The following COMMD1 variants were observed in gnomAD, a reference collection of about 807,000 sequenced individuals.
COMMD1 encodes the protein COMM domain-containing protein 1.
In COMMD1, 10 loss-of-function variants were observed where a neutral mutation model predicts 17.2. That is an observed-to-expected ratio of 0.58 (90% CI 0.36 to 0.99). The LOEUF (loss-of-function observed/expected upper bound fraction) is 0.99. Among genes scored for constraint, COMMD1 ranks in the 50% least tolerant of loss-of-function variants. COMMD1 has a pLI of 0.01. For synonymous variants in COMMD1, 97 were observed against 91.6 expected, an observed-to-expected ratio of 1.06 and a Z score of -0.34; for missense variants, 270 against 231.8, an observed-to-expected ratio of 1.17 and a Z score of -1.07.
intron 1 of COMMD1, among the ~76,000 whole-genome samples, chr2:61,889,229 C>CA (rs1479758901): frequency 4.4e-4 from 2 of 4,590 alleles, no homozygotes; most frequent in Non-Finnish European, 5.9e-4. Context: ...TTTTTTTTGA[C>CA]AGAGTCTCGC....
chr2:61,939,551 G>T (rs1421995197), intron 1 of COMMD1, among the ~76,000 whole-genome samples: 1 of 151,952 alleles, frequency 6.6e-6, no homozygotes, highest in African/African-American at 2.4e-5. Context: ...CTAAAAATAT[G>T]CTATTTTAGT....
chr2:62,012,433 C>T (rs1669308420), intron 2 of COMMD1, among the ~76,000 whole-genome samples: 1 of 151,874 alleles, frequency 6.6e-6, no homozygotes, highest in Non-Finnish European at 1.5e-5. Context: ...ATTCCCCTGC[C>T]TCAGCCTCCT....
chr2:62,089,852 T>C lies in COMMD1; in HGVS notation c.463-45979T>C, dbSNP rs1671773019. ...CAAAAAGCATTCCTCAGAATGCATA[T>C]GCAGGCCAACTAACAGCAGCAGGTC... is the stretch of plus-strand genomic sequence containing the variant. On this transcript the variant is annotated intron_variant, in intron 2 of 2. Coordinates refer to ENST00000311832, the MANE Select transcript of COMMD1 (RefSeq NM_152516.4). 2.0e-5 allele frequency among the ~76,000 whole-genome samples: 3 copies of C among 151,852 alleles called. No homozygotes were observed. In the South Asian group the frequency reaches 6.2e-4, roughly 32 times the overall value.
chr2:62,083,059 G>A (rs1671569640), intron 2 of COMMD1, among the ~76,000 whole-genome samples: 1 of 152,118 alleles, frequency 6.6e-6, no homozygotes, highest in Non-Finnish European at 1.5e-5. Context: ...AGGAGTTTGA[G>A]ACCAGCCTGG....
At chr2:61,973,149 C>CT (rs1426116330) in intron 1 of COMMD1, among the ~76,000 whole-genome samples, 2 of 152,098 alleles carry the variant, frequency 1.3e-5, no homozygotes, top group African/African-American at 4.8e-5. Flanking sequence ...TCACTATTCA[C>CT]TTTTTTATTT....
intron 1 of COMMD1, among the ~76,000 whole-genome samples, chr2:61,914,071 C>T (rs1056386897): frequency 1.3e-5 from 2 of 151,808 alleles, no homozygotes; most frequent in Non-Finnish European, 2.9e-5. Flanking sequence ...ACTTGGGAGG[C>T]TGAGGCAGGA....
chr2:62,123,474 C>T (rs1487104116), intron 2 of COMMD1, among the ~76,000 whole-genome samples: 1 of 140,636 alleles, frequency 7.1e-6, no homozygotes, highest in Non-Finnish European at 1.5e-5. Context: ...CACTGCACTC[C>T]AGCCTGGGCA....
intron 2 of COMMD1, among the ~76,000 whole-genome samples, chr2:62,125,983 A>G (rs1300067750): frequency 6.6e-6 from 1 of 151,774 alleles, no homozygotes; most frequent in Non-Finnish European, 1.5e-5. Flanking sequence ...ATGTGTTCTC[A>G]TTGTTCAGCT....
At chr2:61,948,290 A>C (rs550193240) in intron 1 of COMMD1, among the ~76,000 whole-genome samples, 1 of 152,154 alleles carries the variant, frequency 6.6e-6, no homozygotes, top group South Asian at 2.1e-4. Flanking sequence ...AACAATATTA[A>C]ACTATTTTTT....
intron 2 of COMMD1, among the ~76,000 whole-genome samples, chr2:62,084,594 G>A (rs1451597515): frequency 6.6e-6 from 1 of 152,086 alleles, no homozygotes; most frequent in Non-Finnish European, 1.5e-5. Context: ...AGGGTCAACT[G>A]TATTCTGTTT....
chr2:62,065,927 A>G (rs1671025760), intron 2 of COMMD1, among the ~76,000 whole-genome samples: 1 of 152,212 alleles, frequency 6.6e-6, no homozygotes. Context: ...AATAAGAGAA[A>G]AAGAGAGAAA....
chr2:61,938,672 G>T (rs1485542250), intron 1 of COMMD1, among the ~76,000 whole-genome samples: 1 of 152,090 alleles, frequency 6.6e-6, no homozygotes, highest in Non-Finnish European at 1.5e-5. Context: ...CTTTCTTGTG[G>T]AGAGGCAAGG....
intron 2 of COMMD1, among the ~76,000 whole-genome samples, chr2:62,052,419 CG>C (rs1670562892): frequency 6.6e-6 from 1 of 152,132 alleles, no homozygotes; most frequent in African/African-American, 2.4e-5. Flanking sequence ...CTCTGTCCCA[CG>C]TATCTTCAGG....
At chr2:61,985,284 T>TCA (rs1183387905) in intron 1 of COMMD1, among the ~76,000 whole-genome samples, 1 of 152,140 alleles carries the variant, frequency 6.6e-6, no homozygotes, top group Non-Finnish European at 1.5e-5. Flanking sequence ...TCTCCTGACC[T>TCA]GGTGATCCGC....
intron 1 of COMMD1, among the ~76,000 whole-genome samples, chr2:61,998,763 T>C (rs1668839925): frequency 6.6e-6 from 1 of 152,218 alleles, no homozygotes; most frequent in African/African-American, 2.4e-5. Context: ...ACTTGAATAC[T>C]TAGAGGCCAT....
chr2:62,041,892 CAA>C (rs773633677), intron 2 of COMMD1, among the ~76,000 whole-genome samples: 1 of 152,180 alleles, frequency 6.6e-6, no homozygotes, highest in African/African-American at 2.4e-5. Flanking sequence ...GATGCAGACC[CAA>C]AGAGTGAGCA....
At chr2:62,109,678 T>C (rs895577280) in intron 2 of COMMD1, among the ~76,000 whole-genome samples, 2 of 152,214 alleles carry the variant, frequency 1.3e-5, no homozygotes, top group Non-Finnish European at 2.9e-5. Flanking sequence ...TGTAATTTTA[T>C]ACGTCTGGGT....
chr2:62,035,661 C>A (rs1264470947), intron 2 of COMMD1, among the ~76,000 whole-genome samples: 2 of 150,842 alleles, frequency 1.3e-5, no homozygotes, highest in Non-Finnish European at 2.9e-5. Flanking sequence ...ATCTCTTGAG[C>A]CCAGGAGGTT....
intron 1 of COMMD1, among the ~76,000 whole-genome samples, chr2:61,923,067 G>A (rs1294341656): frequency 6.6e-6 from 1 of 152,228 alleles, no homozygotes; most frequent in Non-Finnish European, 1.5e-5. Context: ...TTTTGCTGAA[G>A]CAGATACTAA....
Sources: gnomAD v4.1 joint callset for allele counts (sites outside exome capture counted in the v4.1 genomes callset) on GRCh38, gnomAD v4.1.1 for gene constraint, MANE v1.5 for transcripts, NCBI Gene and HGNC (gene_info 2026-07-23, HGNC 2026-07-21) for gene names.